The following R3HDM2 variants were observed in gnomAD, a reference collection of about 807,000 sequenced individuals.
The protein encoded by R3HDM2 is R3H domain containing 2.
In R3HDM2, 38 loss-of-function variants were observed where a neutral mutation model predicts 124.5. The ratio of observed to expected loss-of-function variants is 0.31; its 90% CI spans 0.24 to 0.40. The LOEUF is 0.40. R3HDM2 is among the 10% of genes least tolerant of loss of function. The probability of loss-of-function intolerance (pLI) is 1.00; values close to 1 mark genes in which losing one functional copy is unlikely to be tolerated. For synonymous variants in R3HDM2, 391 were observed against 448.0 expected, an observed-to-expected ratio of 0.87 and a Z score of 1.61; for missense variants, 869 against 1,236.9, an observed-to-expected ratio of 0.70 and a Z score of 4.46.
At chr12:57,287,354 G>C (rs1451342242) in intron 12 of R3HDM2, among the ~76,000 whole-genome samples, 1 of 152,176 alleles carries the variant, frequency 6.6e-6, no homozygotes, top group African/African-American at 2.4e-5. Flanking sequence ...GTAGACTGTG[G>C]AACAGGAATC....
intron 1 of R3HDM2, among the ~76,000 whole-genome samples, chr12:57,425,259 C>T (rs370127853): frequency 5.7e-4 from 85 of 148,036 alleles, no homozygotes; most frequent in African/African-American, 2.0e-3. Context: ...GCAACAAGAG[C>T]GAAACTCCGT....
intron 2 of R3HDM2, among the ~76,000 whole-genome samples, chr12:57,345,079 C>A (rs530653430): frequency 2.2e-4 from 33 of 152,186 alleles, no homozygotes; most frequent in African/African-American, 7.7e-4. Flanking sequence ...GGTGATCTGC[C>A]TGCCTCGGGC....
intron 2 of R3HDM2, among the ~76,000 whole-genome samples, chr12:57,357,715 G>T (rs1428603375): frequency 9.3e-6 from 1 of 107,458 alleles, no homozygotes; most frequent in Non-Finnish European, 1.9e-5. Flanking sequence ...CCTCTCCTTT[G>T]CTTACTTTTA....
intron 2 of R3HDM2, among the ~76,000 whole-genome samples, chr12:57,333,108 T>C (rs2058411729): frequency 6.6e-6 from 1 of 152,152 alleles, no homozygotes; most frequent in Admixed American, 6.6e-5. Context: ...CTCTTGGGCA[T>C]TAAAATAGGA....
At position 57,399,218 on chromosome 12, in the gene R3HDM2, G is replaced by A. The variant is rs138165968; in HGVS notation, c.-105-3400C>T. On this transcript the variant is annotated intron_variant, in intron 1 of 23. Transcript: ENST00000402412. ...GGAGTTTGAGACCAGCCTGGCTGGCGTGGTGAAACACCGTCTCTACTAAAA... is the reference window on the plus strand; with the variant it reads ...GGAGTTTGAGACCAGCCTGGCTGGCATGGTGAAACACCGTCTCTACTAAAA... 2.1e-3 allele frequency among the ~76,000 whole-genome samples: 315 copies of A among 152,020 alleles called. 2 individuals are homozygous for A. Among genetic ancestry groups the A allele is most frequent in the African/African-American group, 6.9e-3 (287 of 41,486 alleles).
At chr12:57,300,227 T>C (rs767661404) in intron 4 of R3HDM2, 46 bp from the exon 5 acceptor site, 23 of 1,453,086 alleles carry the variant, frequency 1.6e-5, no homozygotes, top group South Asian at 1.5e-4. Context: ...ATGTATCTTA[T>C]ATATTTCTTC....
In R3HDM2 at chr12:57,299,490, A is replaced by C. The variant is rs2050640074; in HGVS notation, c.295-12T>G. 6.5e-7 allele frequency: 1 copy of C among 1,544,152 alleles called. No homozygotes were observed. Among genetic ancestry groups the C allele is most frequent in the Non-Finnish European group, 8.8e-7 (1 of 1,140,924 alleles). On this transcript the variant is annotated splice_polypyrimidine_tract_variant and intron_variant, in intron 5 of 23. Transcript: ENST00000402412. Reference sequence around the variant, plus strand: ...AATTGAATTATATCCTTAAGGGGAAAAAGGATAATCAAAGGGGGAAAAAGA... The same window carrying C: ...AATTGAATTATATCCTTAAGGGGAACAAGGATAATCAAAGGGGGAAAAAGA...
chr12:57,381,387 A>G (rs2064849058), intron 2 of R3HDM2, among the ~76,000 whole-genome samples: 1 of 152,112 alleles, frequency 6.6e-6, no homozygotes, highest in African/African-American at 2.4e-5. Context: ...CCCTGTTTCT[A>G]CAAAAAATAC....
chr12:57,425,272 CA>C (rs372378364), intron 1 of R3HDM2, among the ~76,000 whole-genome samples: 2,541 of 120,540 alleles, frequency 0.021, 34 homozygotes, highest in Middle Eastern at 0.067. Context: ...AACTCCGTCT[CA>C]AAAAAAAAAA....
chr12:57,322,232 C>A (rs1336378577), intron 2 of R3HDM2, among the ~76,000 whole-genome samples: 1 of 152,130 alleles, frequency 6.6e-6, no homozygotes, highest in Non-Finnish European at 1.5e-5. Flanking sequence ...AACAAACAAA[C>A]AAACCTCATT....
chr12:57,299,850 C>G (rs1412132062), intron 5 of R3HDM2, among the ~76,000 whole-genome samples: 1 of 152,180 alleles, frequency 6.6e-6, no homozygotes, highest in African/African-American at 2.4e-5. Context: ...CATGCTCTCA[C>G]TATGCTGGGG....
chr12:57,392,539 G>A (rs1244524286), intron 2 of R3HDM2, among the ~76,000 whole-genome samples: 1 of 152,154 alleles, frequency 6.6e-6, no homozygotes, highest in Non-Finnish European at 1.5e-5. Context: ...ATGGCCCAGG[G>A]ACTGGGGAAC....
intron 1 of R3HDM2, among the ~76,000 whole-genome samples, chr12:57,403,797 C>T (rs961122745): frequency 1.1e-4 from 16 of 146,882 alleles, no homozygotes; most frequent in South Asian, 2.2e-4. Context: ...CCAGCCTGGG[C>T]GACAGAGTGA....
At chr12:57,288,987 G>T in intron 12 of R3HDM2, 22 bp downstream of exon 12, 1 of 1,548,870 alleles carries the variant, frequency 6.5e-7, no homozygotes, top group South Asian at 1.2e-5. Context: ...GAGAAGCAGG[G>T]AACATGCTAA....
At position 57,254,604 on chromosome 12, in the gene R3HDM2, A is replaced by G; in HGVS notation, c.*169T>C. On this transcript the variant is annotated 3_prime_UTR_variant, in exon 24 of 24. Transcript: ENST00000402412. ...GACCCATGGCAGGGGAGCAAGAAGG[A>G]GTCCAATGCCAGTGTAGGTATCTGT... is the stretch of plus-strand genomic sequence containing the variant. The G allele has an allele frequency of 5.0e-6, 3 of 596,004 alleles. No individual in the cohort carries two copies. The highest frequency in any genetic ancestry group is 8.4e-6 in the Non-Finnish European group (3 of 356,482). The allele number at this position is 596,004 out of a possible 1,614,324, so 36.9% of individuals were successfully genotyped here.
chr12:57,386,534 CAT>C (rs2065836024), intron 2 of R3HDM2, among the ~76,000 whole-genome samples: 2 of 152,358 alleles, frequency 1.3e-5, no homozygotes, highest in Admixed American at 1.3e-4. Flanking sequence ...TGCAGCCCGC[CAT>C]GCCTGAGCCT....
intron 14 of R3HDM2, among the ~76,000 whole-genome samples, chr12:57,273,131 C>T (rs556569695): frequency 1.3e-5 from 2 of 152,296 alleles, no homozygotes; most frequent in African/African-American, 4.8e-5. Context: ...AAGGAAAAAA[C>T]ACCCAAGATC....
Position 57,396,957 on chromosome 12 carries a change from G to A in R3HDM2, c.-105-1139C>T, listed in dbSNP as rs975382905. On this transcript the variant is annotated intron_variant, in intron 1 of 23. Coordinates refer to ENST00000402412, the MANE Select transcript of R3HDM2 (RefSeq NM_001394031.1). ...AAATACAAAAAATTAGCTGGGCAAG[G>A]TGGCATGTACCTGTAATCTCAGCTA... Among the ~76,000 whole-genome samples, 7 of 152,054 alleles carry A rather than the reference G, an allele frequency of 4.6e-5. No individual in the cohort carries two copies. In the East Asian group the frequency reaches 5.8e-4, roughly 13 times the overall value.
chr12:57,325,863 A>C (rs767069422), intron 2 of R3HDM2, among the ~76,000 whole-genome samples: 1 of 149,850 alleles, frequency 6.7e-6, no homozygotes, highest in Non-Finnish European at 1.5e-5. Context: ...TTTTTTTTTT[A>C]AACAAATTGA....
Sources: gnomAD v4.1 joint callset for allele counts (sites outside exome capture counted in the v4.1 genomes callset) on GRCh38, gnomAD v4.1.1 for gene constraint, MANE v1.5 for transcripts, NCBI Gene and HGNC (gene_info 2026-07-23, HGNC 2026-07-21) for gene names.